PARP4: variants seen among roughly 807,000 people sequenced by gnomAD.
PARP4 encodes poly(ADP-ribose) polymerase family member 4.
A neutral mutation model predicts 187.7 loss-of-function variants in PARP4; 120 were observed. The ratio of observed to expected loss-of-function variants is 0.64; its 90% CI spans 0.55 to 0.74. PARP4 has a LOEUF of 0.74. Among genes scored for constraint, PARP4 ranks in the 30% least tolerant of loss-of-function variants. The pLI is 0.00. For synonymous variants in PARP4, 654 were observed against 740.9 expected (o/e 0.88, Z 1.90); for missense variants, 1,836 against 2,070.5 (o/e 0.89, Z 2.20).
chr13:24,425,564 T>C (rs961865319), intron 33 of PARP4, among the ~76,000 whole-genome samples: 1 of 141,720 alleles, frequency 7.1e-6, no homozygotes, highest in Non-Finnish European at 1.5e-5. Flanking sequence ...TGTGTGTGTG[T>C]GTGTGTATAT....
chr13:24,508,607 G>A (rs757965799), intron 1 of PARP4, among the ~76,000 whole-genome samples: 1 of 152,094 alleles, frequency 6.6e-6, no homozygotes, highest in African/African-American at 2.4e-5. Context: ...TCCGCCTCCC[G>A]GGTTCAAACG....
intron 15 of PARP4, among the ~76,000 whole-genome samples, chr13:24,473,791 A>G (rs1872840391): frequency 6.6e-6 from 1 of 152,094 alleles, no homozygotes; most frequent in South Asian, 2.1e-4. Context: ...TCCAGTGATC[A>G]GGGCTGGGTT....
At chr13:24,461,083 A>AT (rs1220380329) in intron 17 of PARP4, among the ~76,000 whole-genome samples, 2 of 152,138 alleles carry the variant, frequency 1.3e-5, no homozygotes, top group Non-Finnish European at 2.9e-5. Flanking sequence ...GGCTAGATAC[A>AT]TTTTTTTCTG....
At chr13:24,441,133 T>C (rs1870906134) in intron 30 of PARP4, among the ~76,000 whole-genome samples, 1 of 151,860 alleles carries the variant, frequency 6.6e-6, no homozygotes, top group South Asian at 2.1e-4. Context: ...CAGCCTCCCA[T>C]AGTGCTGGAA....
At chr13:24,441,622 G>A (rs1870930083) in intron 30 of PARP4, among the ~76,000 whole-genome samples, 1 of 152,222 alleles carries the variant, frequency 6.6e-6, no homozygotes, top group African/African-American at 2.4e-5. Context: ...CACAGCCAGA[G>A]GTGTTCTCTT....
intron 30 of PARP4, among the ~76,000 whole-genome samples, chr13:24,441,219 G>A (rs1023990973): frequency 3.3e-5 from 5 of 152,146 alleles, no homozygotes; most frequent in African/African-American, 1.2e-4. Context: ...GCCCAGGCTG[G>A]TCTCAAACTC....
chr13:24,487,795 A>T (rs61948876), intron 10 of PARP4, among the ~76,000 whole-genome samples: 10 of 151,898 alleles, frequency 6.6e-5, no homozygotes, highest in Non-Finnish European at 1.2e-4. Flanking sequence ...TTTCCTTCAC[A>T]GAGCTGGCTT....
At chr13:24,428,691 T>A (rs1318049973) in intron 32 of PARP4, among the ~76,000 whole-genome samples, 1 of 152,168 alleles carries the variant, frequency 6.6e-6, no homozygotes, top group East Asian at 1.9e-4. Flanking sequence ...CAGGCTGGTC[T>A]CGAAATCCTG....
chr13:24,452,599 G>T lies in PARP4; in HGVS notation c.2827-6C>A, dbSNP rs377363543. The T allele has an allele frequency of 1.2e-6, 2 of 1,607,072 alleles. No individual in the cohort carries two copies. The highest frequency in any genetic ancestry group is 2.7e-5 in the African/African-American group (2 of 74,740). Reference sequence around the variant, plus strand: ...CCCATGGTAGGTGTGGCAGACTGGAGGAAATGAAGTGAAAGATTATGTTCT... The same window carrying T: ...CCCATGGTAGGTGTGGCAGACTGGATGAAATGAAGTGAAAGATTATGTTCT... On this transcript the variant is annotated splice_polypyrimidine_tract_variant and splice_region_variant and intron_variant, in intron 23 of 33. Coordinates refer to ENST00000381989, the MANE Select transcript of PARP4 (RefSeq NM_006437.4).
intron 24 of PARP4, among the ~76,000 whole-genome samples, chr13:24,451,551 C>T (rs1285061601): frequency 4.6e-5 from 7 of 152,050 alleles, no homozygotes; most frequent in South Asian, 2.1e-4. Context: ...GAGCTCAGGG[C>T]GAGTCCAGGT....
intron 17 of PARP4, among the ~76,000 whole-genome samples, chr13:24,463,531 A>C (rs1055878799): frequency 2.0e-5 from 3 of 152,218 alleles, no homozygotes; most frequent in Admixed American, 6.5e-5. Context: ...CATAAACAGA[A>C]CTAAAGACAA....
At chr13:24,482,415 A>C (rs193259613) in intron 12 of PARP4, among the ~76,000 whole-genome samples, 19 of 152,300 alleles carry the variant, frequency 1.2e-4, no homozygotes, top group African/African-American at 4.6e-4. Context: ...AGCATCTCAT[A>C]CTACAGATAA....
chr13:24,478,015 T>C, intron 13 of PARP4, 78 bp downstream of exon 13: 5 of 1,192,150 alleles, frequency 4.2e-6, no homozygotes, highest in South Asian at 1.6e-5. Context: ...GCATATTTAA[T>C]GAAAATAGGA....
chr13:24,448,218 CCAA>C (rs1295174342), intron 25 of PARP4, among the ~76,000 whole-genome samples: 1 of 151,918 alleles, frequency 6.6e-6, no homozygotes, highest in African/African-American at 2.4e-5. Context: ...TCAAAAAACA[CCAA>C]CGACAAACAA....
intron 17 of PARP4, among the ~76,000 whole-genome samples, chr13:24,464,757 A>G (rs1872371572): frequency 6.6e-6 from 1 of 152,142 alleles, no homozygotes; most frequent in African/African-American, 2.4e-5. Context: ...TATGAGGAAA[A>G]CATCAAAAAT....
intron 12 of PARP4, 39 bp downstream of exon 12, chr13:24,484,614 G>A (rs747327071): frequency 1.1e-5 from 15 of 1,315,612 alleles, no homozygotes; most frequent in Middle Eastern, 1.8e-4. Context: ...TACACAGCAA[G>A]TATTCAGTAA....
intron 17 of PARP4, among the ~76,000 whole-genome samples, chr13:24,461,415 T>C (rs139449238): frequency 1.3e-5 from 2 of 152,342 alleles, no homozygotes; most frequent in East Asian, 3.9e-4. Flanking sequence ...ATGTCACTTC[T>C]GTTATAACAC....
intron 9 of PARP4, 148 bp from the exon 10 acceptor site, chr13:24,490,976 C>T: frequency 1.4e-6 from 1 of 710,746 alleles, no homozygotes; most frequent in South Asian, 1.9e-5. Context: ...ATGGGTCTTG[C>T]TCTCACCCAC....
intron 7 of PARP4, 23 bp downstream of exon 7, chr13:24,494,550 A>C (rs772169839): frequency 5.7e-6 from 9 of 1,589,956 alleles, no homozygotes; most frequent in African/African-American, 1.4e-5. Flanking sequence ...ATCAACAACA[A>C]AAAAATTATA....
Sources: gnomAD v4.1 joint callset for allele counts (sites outside exome capture counted in the v4.1 genomes callset) on GRCh38, gnomAD v4.1.1 for gene constraint, MANE v1.5 for transcripts, NCBI Gene and HGNC (gene_info 2026-07-23, HGNC 2026-07-21) for gene names.